NKAIN2: variants seen among roughly 807,000 people sequenced by gnomAD.
NKAIN2 encodes sodium/potassium-transporting ATPase subunit beta-1-interacting protein 2.
A neutral mutation model predicts 32.6 loss-of-function variants in NKAIN2; 14 were observed. That is an observed-to-expected ratio of 0.43 (90% CI 0.28 to 0.67). The LOEUF is 0.67. Among genes scored for constraint, NKAIN2 ranks in the 30% least tolerant of loss-of-function variants. The probability of loss-of-function intolerance (pLI) is 0.17; values close to 1 mark genes in which losing one functional copy is unlikely to be tolerated. For missense variants in NKAIN2, 198 were observed against 258.3 expected, an observed-to-expected ratio of 0.77 and a Z score of 1.60; for synonymous variants, 80 against 87.2, an observed-to-expected ratio of 0.92 and a Z score of 0.46.
chr6:123,833,762 T>A (rs951261053), intron 1 of NKAIN2, among the ~76,000 whole-genome samples: 20 of 149,898 alleles, frequency 1.3e-4, no homozygotes, highest in African/African-American at 4.9e-4. Flanking sequence ...GAGTCTCGCT[T>A]TGTTGCCCAG....
chr6:124,257,925 C>G (rs960389646), intron 1 of NKAIN2, among the ~76,000 whole-genome samples: 5 of 151,282 alleles, frequency 3.3e-5, no homozygotes, highest in Non-Finnish European at 7.4e-5. Flanking sequence ...ATTACAGGCA[C>G]CCGCCACCAG....
chr6:124,793,965 G>C (rs1045970802), intron 5 of NKAIN2, among the ~76,000 whole-genome samples: 7 of 152,282 alleles, frequency 4.6e-5, no homozygotes, highest in Non-Finnish European at 8.8e-5. Flanking sequence ...GGCAGAGAGA[G>C]AGTGGAACCT....
chr6:124,122,685 A>G (rs967921968), intron 1 of NKAIN2, among the ~76,000 whole-genome samples: 20 of 152,156 alleles, frequency 1.3e-4, no homozygotes, highest in African/African-American at 4.6e-4. Context: ...AAGACTCCCC[A>G]TAATTTTAAA....
At chr6:124,687,279 G>GAATATATATATTCTATATAT (rs1773958158) in intron 4 of NKAIN2, among the ~76,000 whole-genome samples, 3 of 135,528 alleles carry the variant, frequency 2.2e-5, no homozygotes, top group Non-Finnish European at 3.1e-5. Context: ...TATATATAGA[G>GAATATATATATTCTATATAT]AGAGAATATA....
intron 1 of NKAIN2, among the ~76,000 whole-genome samples, chr6:123,966,457 G>A (rs1481447806): frequency 6.6e-6 from 1 of 152,084 alleles, no homozygotes; most frequent in Non-Finnish European, 1.5e-5. Context: ...CTTTTTATAG[G>A]ATTTTTGCTA....
At chr6:124,098,800 G>A (rs1784753760) in intron 1 of NKAIN2, among the ~76,000 whole-genome samples, 1 of 152,010 alleles carries the variant, frequency 6.6e-6, no homozygotes, top group Admixed American at 6.5e-5. Context: ...AATCCAGGAA[G>A]TGGAGGTTGC....
At chr6:124,031,018 G>A (rs59374551) in intron 1 of NKAIN2, among the ~76,000 whole-genome samples, 8,140 of 152,160 alleles carry the variant, frequency 0.053, 719 homozygotes, top group African/African-American at 0.18. Flanking sequence ...TTTTCAGGAA[G>A]AAAGCAAAAA....
chr6:124,523,119 G>A (rs376797862), intron 3 of NKAIN2, among the ~76,000 whole-genome samples: 143 of 29,058 alleles, frequency 4.9e-3, no homozygotes, highest in Middle Eastern at 0.042. Flanking sequence ...CTCCCGCCTG[G>A]GCGACAGAGC....
chr6:124,174,641 A>T (rs1231983679), intron 1 of NKAIN2, among the ~76,000 whole-genome samples: 2 of 152,124 alleles, frequency 1.3e-5, no homozygotes, highest in African/African-American at 2.4e-5. Flanking sequence ...TCAACTAGGG[A>T]ATGGTCAAAG....
chr6:124,685,754 C>T (rs1773841995), intron 4 of NKAIN2, among the ~76,000 whole-genome samples: 1 of 152,148 alleles, frequency 6.6e-6, no homozygotes, highest in South Asian at 2.1e-4. Context: ...AATATCTTGA[C>T]TACGAAAATT....
At chr6:124,297,042 A>G (rs1275883456) in intron 2 of NKAIN2, among the ~76,000 whole-genome samples, 2 of 152,194 alleles carry the variant, frequency 1.3e-5, no homozygotes, top group Non-Finnish European at 2.9e-5. Context: ...CATAAATGAT[A>G]CACAGCTTTC....
intron 1 of NKAIN2, among the ~76,000 whole-genome samples, chr6:124,280,928 A>G (rs1795263478): frequency 1.3e-5 from 2 of 152,230 alleles, no homozygotes; most frequent in South Asian, 4.1e-4. Flanking sequence ...TAGCTTGTTC[A>G]GTCTGCACAA....
intron 3 of NKAIN2, among the ~76,000 whole-genome samples, chr6:124,616,550 C>T (rs562474353): frequency 2.2e-5 from 3 of 133,660 alleles, no homozygotes; most frequent in Non-Finnish European, 3.1e-5. Context: ...CTGAAAGCTC[C>T]GCCTCCCAGG....
At chr6:124,107,016 G>T (rs1327121127) in intron 1 of NKAIN2, among the ~76,000 whole-genome samples, 2 of 152,120 alleles carry the variant, frequency 1.3e-5, no homozygotes, top group African/African-American at 4.8e-5. Context: ...AGTGCCAAGG[G>T]TTCACAATTT....
At chr6:123,881,320 A>T (rs1401176393) in intron 1 of NKAIN2, among the ~76,000 whole-genome samples, 2 of 152,156 alleles carry the variant, frequency 1.3e-5, no homozygotes, top group African/African-American at 2.4e-5. Context: ...CCATGCCCGG[A>T]CACTAGGGAT....
At chr6:124,332,568 G>A (rs771050163) in intron 2 of NKAIN2, among the ~76,000 whole-genome samples, 4 of 151,772 alleles carry the variant, frequency 2.6e-5, no homozygotes, top group Non-Finnish European at 5.9e-5. Flanking sequence ...GGCCATTAGA[G>A]GGCCTTATTT....
At chr6:124,051,859 G>C (rs1489610994) in intron 1 of NKAIN2, among the ~76,000 whole-genome samples, 1 of 151,962 alleles carries the variant, frequency 6.6e-6, no homozygotes, top group Non-Finnish European at 1.5e-5. Context: ...TAAGAATTTT[G>C]CTTCTTATCG....
chr6:124,171,546 G>GTTTTT (rs1788859417), intron 1 of NKAIN2, among the ~76,000 whole-genome samples: 1 of 49,410 alleles, frequency 2.0e-5, no homozygotes, highest in African/African-American at 7.4e-5. Context: ...GGGCCGATTT[G>GTTTTT]ATTTTTTTTT....
Position 124,493,809 on chromosome 6 carries a change from C to T in NKAIN2, c.273+138462C>T, listed in dbSNP as rs1439159125. On this transcript the variant is annotated intron_variant, in intron 3 of 6. Transcript: ENST00000368417. The stretch of plus-strand genomic sequence containing the variant: ...ACCACTGACACTGGCCACTCATCTT[C>T]CCCATTCCCAAAACCCACAACTCAT... Among the ~76,000 whole-genome samples, 3 of 151,424 alleles carry T rather than the reference C, an allele frequency of 2.0e-5. No homozygotes were observed. In the East Asian group the frequency reaches 5.8e-4, roughly 29 times the overall value.
Sources: gnomAD v4.1 joint callset for allele counts (sites outside exome capture counted in the v4.1 genomes callset) on GRCh38, gnomAD v4.1.1 for gene constraint, MANE v1.5 for transcripts, NCBI Gene and HGNC (gene_info 2026-07-23, HGNC 2026-07-21) for gene names.